The following TPR variants were observed in gnomAD, a reference collection of about 807,000 sequenced individuals.
The protein encoded by TPR is translocated promoter region, nuclear basket protein, also known as nucleoprotein TPR.
In TPR, 51 loss-of-function variants were observed where a neutral mutation model predicts 316.1. The ratio of observed to expected loss-of-function variants is 0.16; its 90% CI spans 0.13 to 0.20. The LOEUF is 0.20. Among genes scored for constraint, TPR ranks in the 10% least tolerant of loss-of-function variants. The pLI, the probability that TPR is intolerant of heterozygous loss-of-function variation, is 1.00. For missense variants in TPR, 2,272 were observed against 2,754.8 expected, an observed-to-expected ratio of 0.82 and a Z score of 3.92; for synonymous variants, 981 against 914.7, an observed-to-expected ratio of 1.07 and a Z score of -1.31.
intron 27 of TPR, chr1:186,341,600 G>A (rs774573875): frequency 8.1e-6 from 4 of 493,670 alleles, no homozygotes; most frequent in Admixed American, 3.8e-5. Flanking sequence ...AGACAAAAGT[G>A]AAAAGATGCT....
intron 31 of TPR, 136 bp from the exon 32 acceptor site, chr1:186,337,292 T>A: frequency 1.9e-6 from 2 of 1,069,250 alleles, no homozygotes; most frequent in Non-Finnish European, 2.6e-6. Flanking sequence ...GAATTTTCTA[T>A]GAAACAACTG....
Position 186,312,963 on chromosome 1 carries a change from A to G in TPR, c.*1008T>C, listed in dbSNP as rs1458540222. 2 of 1,498,784 alleles carry G rather than the reference A, an allele frequency of 1.3e-6. No individual in the cohort carries two copies. Among genetic ancestry groups the G allele is most frequent in the East Asian group, 4.5e-5 (2 of 44,244 alleles). The allele number at this position is 1,498,784 out of a possible 1,614,324, so 92.8% of individuals were successfully genotyped here. On this transcript the variant is annotated 3_prime_UTR_variant, in exon 51 of 51. Coordinates refer to ENST00000367478, the MANE Select transcript of TPR (RefSeq NM_003292.3). ...GTGAAAACATGAAGATAAAGTAAAA[A>G]TGCTGGCTGCAATGATGACTGAATG...
intron 40 of TPR, among the ~76,000 whole-genome samples, chr1:186,326,955 TAAGA>T (rs1571604008): frequency 8.1e-6 from 1 of 123,932 alleles, no homozygotes; most frequent in Non-Finnish European, 1.6e-5. Flanking sequence ...CTGAACTAAT[TAAGA>T]TAGAAGAAAA....
Position 186,333,258 on chromosome 1 carries a change from T to C in TPR, c.5319A>G (p.Thr1773=). Residue 1773 remains threonine, a synonymous_variant, in exon 37 of 51, where the codon ACA becomes ACG. Coordinates refer to ENST00000367478, the MANE Select transcript of TPR (RefSeq NM_003292.3). ...ILTVQQQTQA[T]AFVQPTQQSH... ...TCTGTTGAGTGGGTTGCACAAAAGC[T>C]GTAGCCTGTGTTTGTTGCTGAACAG... The C allele has an allele frequency of 6.2e-7, 1 of 1,613,730 alleles. No individual in the cohort carries two copies. Among genetic ancestry groups the C allele is most frequent in the South Asian group, 1.1e-5 (1 of 91,084 alleles).
At chr1:186,370,653 T>C (rs1037616883) in intron 3 of TPR, among the ~76,000 whole-genome samples, 2 of 152,062 alleles carry the variant, frequency 1.3e-5, no homozygotes, top group African/African-American at 4.8e-5. Context: ...CAAACTGTCA[T>C]TCTTATAAAA....
chr1:186,335,045 A>G lies in TPR; in HGVS notation c.4973+23T>C, dbSNP rs368471088. The G allele has an allele frequency of 3.1e-6, 5 of 1,607,098 alleles. No individual in the cohort carries two copies. In the African/African-American group the frequency reaches 5.4e-5, roughly 17 times the overall value. On this transcript the variant is annotated intron_variant, in intron 35 of 50. Transcript: ENST00000367478. ...CTGAGCTTTAAAAGAAAAATAACAG[A>G]CTATGAAATAACTAAAACTCACATT... is the stretch of plus-strand genomic sequence containing the variant.
chr1:186,345,111 C>T (rs1198102390), intron 24 of TPR, among the ~76,000 whole-genome samples: 1 of 152,180 alleles, frequency 6.6e-6, no homozygotes. Context: ...AGCTTCAATA[C>T]TGTGTGCACA....
chr1:186,326,296 G>A, intron 40 of TPR, 61 bp from the exon 41 acceptor site: 1 of 1,544,032 alleles, frequency 6.5e-7, no homozygotes, highest in Non-Finnish European at 8.7e-7. Context: ...TGCTCTGCAT[G>A]TCTAGATACC....
At position 186,375,196 on chromosome 1, in the gene TPR, C is replaced by T. The variant is rs1465302574; in HGVS notation, c.-168G>A. On this transcript the variant is annotated 5_prime_UTR_variant, in exon 1 of 51. Transcript: ENST00000367478. The stretch of plus-strand genomic sequence containing the variant: ...CTCCCGCGGCGGGACCCTGGGAAAT[C>T]GAGTCCACCCTCAGCGGCAGCGTTT... 1 of 1,518,590 alleles carries T rather than the reference C, an allele frequency of 6.6e-7. No homozygotes were observed. The allele number at this position is 1,518,590 out of a possible 1,614,324, so 94.1% of individuals were successfully genotyped here.
chr1:186,329,385 AT>A (rs1229366303), intron 39 of TPR, among the ~76,000 whole-genome samples: 1 of 152,168 alleles, frequency 6.6e-6, no homozygotes, highest in Non-Finnish European at 1.5e-5. Flanking sequence ...CAGATTTTGG[AT>A]TTTTTAGAAT....
chr1:186,344,606 C>T lies in TPR; in HGVS notation c.3214-28G>A, dbSNP rs766620566. 9 of 1,445,842 alleles carry T rather than the reference C, an allele frequency of 6.2e-6. No homozygotes were observed. The Admixed American group carries it at 2.3e-4, about 36-fold the overall frequency. 89.6% of individuals were successfully genotyped at this position (1,445,842 alleles called of 1,614,324 possible). ...ATAAGAAATTATTACCCAATTGATACCAAAGATTAAAAATCCATAAAACTA... is the reference window on the plus strand; with the variant it reads ...ATAAGAAATTATTACCCAATTGATATCAAAGATTAAAAATCCATAAAACTA... On this transcript the variant is annotated intron_variant, in intron 24 of 50. Coordinates refer to ENST00000367478, the MANE Select transcript of TPR (RefSeq NM_003292.3).
In TPR at chr1:186,312,763, T is replaced by C; in HGVS notation, c.*1208A>G. The C allele has an allele frequency of 6.2e-7, 1 of 1,612,628 alleles. No individual in the cohort carries two copies. The highest frequency in any genetic ancestry group is 8.5e-7 in the Non-Finnish European group (1 of 1,178,694). Reference sequence around the variant, plus strand: ...TGGTATCTTTTATTAAACATGCCACTTACAGGTGTCCTTCATAATGAAGTT... The same window carrying C: ...TGGTATCTTTTATTAAACATGCCACCTACAGGTGTCCTTCATAATGAAGTT... On this transcript the variant is annotated 3_prime_UTR_variant, in exon 51 of 51. Transcript: ENST00000367478.
chr1:186,365,684 T>G, intron 4 of TPR, among the ~76,000 whole-genome samples: 1 of 152,114 alleles, frequency 6.6e-6, no homozygotes, highest in East Asian at 1.9e-4. Context: ...ACAGAAAAAG[T>G]TATGAAAGCC....
intron 21 of TPR, among the ~76,000 whole-genome samples, chr1:186,349,816 C>T (rs1202007110): frequency 6.6e-6 from 1 of 152,098 alleles, no homozygotes; most frequent in Non-Finnish European, 1.5e-5. Context: ...ATTGGGAATA[C>T]TGCTTTAAAG....
At chr1:186,334,555 G>T in intron 35 of TPR, 22 bp from the exon 36 acceptor site, 2 of 1,597,112 alleles carry the variant, frequency 1.3e-6, no homozygotes, top group Non-Finnish European at 1.7e-6. Flanking sequence ...GAAAATGGAA[G>T]AATAATTAAT....
At chr1:186,339,322 A>G (rs1044273912) in intron 30 of TPR, among the ~76,000 whole-genome samples, 7 of 152,110 alleles carry the variant, frequency 4.6e-5, no homozygotes, top group Admixed American at 1.3e-4. Context: ...TAGAGTCACA[A>G]ATATAAGCTA....
Position 186,360,914 on chromosome 1 carries a change from C to G in TPR, c.959-9G>C. 1 of 1,603,204 alleles carries G rather than the reference C, an allele frequency of 6.2e-7. No individual in the cohort carries two copies. Among genetic ancestry groups the G allele is most frequent in the Non-Finnish European group, 8.5e-7 (1 of 1,176,238 alleles). On this transcript the variant is annotated splice_polypyrimidine_tract_variant and intron_variant, in intron 9 of 50. Coordinates refer to ENST00000367478, the MANE Select transcript of TPR (RefSeq NM_003292.3). ...TTGTATTGCTTTGTTGGCTAAAAAA[C>G]AATTTTAAAGACCAAATATTCAAAC...
intron 39 of TPR, among the ~76,000 whole-genome samples, chr1:186,330,800 A>G (rs1399521707): frequency 6.6e-6 from 1 of 152,140 alleles, no homozygotes; most frequent in Non-Finnish European, 1.5e-5. Context: ...CTTCTTGATG[A>G]CAATATGAAT....
Position 186,336,274 on chromosome 1 carries a change from C to T in TPR, c.4705+222G>A, listed in dbSNP as rs78073403. Among the ~76,000 whole-genome samples the T allele has an allele frequency of 3.3e-3, 504 of 152,224 alleles. 12 individuals are homozygous for T. In the East Asian group the frequency reaches 0.057, roughly 17 times the overall value. ...GCAGTATTCCATTATCTACTGCCAG[C>T]CAACAATTGAGAAAAATTTCATCAT... On this transcript the variant is annotated intron_variant, in intron 33 of 50. Coordinates refer to ENST00000367478, the MANE Select transcript of TPR (RefSeq NM_003292.3).
Sources: allele counts gnomAD v4.1 joint callset (sites outside exome capture counted in the v4.1 genomes callset), GRCh38; gene constraint gnomAD v4.1.1; transcripts MANE v1.5; gene names NCBI Gene and HGNC (gene_info 2026-07-23, HGNC 2026-07-21).